STK38: variants seen among roughly 807,000 people sequenced by gnomAD.
STK38 encodes the protein serine/threonine kinase 38.
Under a neutral mutation model 59.0 loss-of-function variants are expected in STK38, and 26 were observed. The observed-to-expected ratio is 0.44, with a 90% CI of 0.32 to 0.61. The LOEUF is 0.61. Among genes scored for constraint, STK38 ranks in the 20% least tolerant of loss-of-function variants. STK38 has a pLI of 0.04. For missense variants in STK38, 433 were observed against 566.0 expected, an observed-to-expected ratio of 0.76 and a Z score of 2.38; for synonymous variants, 175 against 176.6, an observed-to-expected ratio of 0.99 and a Z score of 0.07.
At chr6:36,515,241 G>A (rs1777220606) in intron 7 of STK38, 97 bp downstream of exon 7, 6 of 1,407,368 alleles carry the variant, frequency 4.3e-6, no homozygotes, top group Admixed American at 4.9e-5. Context: ...GCAGGTCACA[G>A]CTCGCCCACT....
chr6:36,530,247 A>G (rs1777633008), intron 2 of STK38, among the ~76,000 whole-genome samples: 1 of 151,872 alleles, frequency 6.6e-6, no homozygotes, highest in Non-Finnish European at 1.5e-5. Context: ...TCAGAAAGAA[A>G]AGAGAAGAGA....
At chr6:36,527,207 A>AAAAATATATATATATAT (rs60162863) in intron 2 of STK38, among the ~76,000 whole-genome samples, 2 of 119,344 alleles carry the variant, frequency 1.7e-5, no homozygotes, top group East Asian at 2.4e-4. Context: ...AAAAAAAAAA[A>AAAAATATATATATATAT]ATATATGTAT....
At chr6:36,528,523 C>A (rs1777591270) in intron 2 of STK38, among the ~76,000 whole-genome samples, 1 of 152,088 alleles carries the variant, frequency 6.6e-6, no homozygotes, top group African/African-American at 2.4e-5. Flanking sequence ...AGACAGGAAA[C>A]AGAGAGAGGA....
intron 7 of STK38, 60 bp downstream of exon 7, chr6:36,515,278 A>C (rs1304498056): frequency 1.3e-6 from 2 of 1,570,926 alleles, no homozygotes; most frequent in Admixed American, 1.9e-5. Flanking sequence ...TGCAGGTGTT[A>C]AAGCAGAGGC....
At chr6:36,502,884 C>G (rs865920609) in intron 9 of STK38, among the ~76,000 whole-genome samples, 13 of 152,154 alleles carry the variant, frequency 8.5e-5, no homozygotes, top group Non-Finnish European at 8.8e-5. Context: ...CAGTCTTCTG[C>G]TATTAGATTC....
intron 9 of STK38, among the ~76,000 whole-genome samples, chr6:36,501,553 CT>C (rs61042158): frequency 1.7e-3 from 231 of 136,542 alleles, no homozygotes; most frequent in Middle Eastern, 0.011. Flanking sequence ...GATCATTTGT[CT>C]TTTTTTTTTT....
intron 9 of STK38, among the ~76,000 whole-genome samples, chr6:36,500,311 A>T (rs1776805467): frequency 6.6e-6 from 1 of 151,624 alleles, no homozygotes; most frequent in African/African-American, 2.4e-5. Flanking sequence ...CATGAGTTTT[A>T]TATATATATA....
At chr6:36,501,767 C>T (rs1166173508) in intron 9 of STK38, among the ~76,000 whole-genome samples, 1 of 152,064 alleles carries the variant, frequency 6.6e-6, no homozygotes, top group East Asian at 1.9e-4. Context: ...TCATGTAGCT[C>T]TAGTTCACTC....
At chr6:36,540,281 G>C (rs1383363238) in intron 1 of STK38, 74 bp from the exon 2 acceptor site, 5 of 1,472,076 alleles carry the variant, frequency 3.4e-6, no homozygotes, top group Admixed American at 2.1e-5. Flanking sequence ...CTACCCTATT[G>C]GTAGGAATGT....
intron 2 of STK38, among the ~76,000 whole-genome samples, chr6:36,528,805 GACT>G (rs1321994314): frequency 3.9e-5 from 6 of 152,222 alleles, no homozygotes; most frequent in Non-Finnish European, 7.3e-5. Flanking sequence ...GTTTTTGAAT[GACT>G]ACATCAGAAT....
intron 7 of STK38, among the ~76,000 whole-genome samples, chr6:36,513,007 A>AC (rs910484030): frequency 2.0e-5 from 3 of 151,112 alleles, no homozygotes; most frequent in Non-Finnish European, 2.9e-5. Flanking sequence ...CAAATTTTCT[A>AC]CCATGTTTAT....
intron 9 of STK38, among the ~76,000 whole-genome samples, chr6:36,503,545 G>A (rs1282331100): frequency 6.6e-6 from 1 of 151,874 alleles, no homozygotes; most frequent in African/African-American, 2.4e-5. Flanking sequence ...TGTGGATTAG[G>A]CCCTCTCCAA....
At chr6:36,538,321 A>G (rs1777847992) in intron 2 of STK38, among the ~76,000 whole-genome samples, 1 of 149,906 alleles carries the variant, frequency 6.7e-6, no homozygotes, top group East Asian at 1.9e-4. Context: ...GAAAAAAAGA[A>G]AAAAAAAAAA....
At chr6:36,538,319 G>GAAAAAAAA (rs779135298) in intron 2 of STK38, among the ~76,000 whole-genome samples, 1 of 138,982 alleles carries the variant, frequency 7.2e-6, no homozygotes. Flanking sequence ...AAGAAAAAAA[G>GAAAAAAAA]AAAAAAAAAA....
rs190471142 is a variant in STK38, at chr6:36,545,876, T to C, written c.-6+1314A>G. Among the ~76,000 whole-genome samples, 81 of 152,294 alleles carry C rather than the reference T, an allele frequency of 5.3e-4. 1 individual carries two copies. In the East Asian group the frequency reaches 0.015, roughly 29 times the overall value. Reference sequence around the variant, plus strand: ...AAAGTCAGGTGTAAGGCCTGCAAACTCAAAAGGAAGTCAAATGAAAACCAT... The same window carrying C: ...AAAGTCAGGTGTAAGGCCTGCAAACCCAAAAGGAAGTCAAATGAAAACCAT... On this transcript the variant is annotated intron_variant, in intron 1 of 13. Coordinates refer to ENST00000229812, the MANE Select transcript of STK38 (RefSeq NM_007271.4).
intron 9 of STK38, among the ~76,000 whole-genome samples, chr6:36,505,742 G>A (rs1776948396): frequency 6.6e-6 from 1 of 152,094 alleles, no homozygotes. Flanking sequence ...CTGCTACTCT[G>A]CTTTCTAATG....
At position 36,498,343 on chromosome 6, in the gene STK38, G is replaced by A. The variant is rs754402625; in HGVS notation, c.1076+20C>T. On this transcript the variant is annotated intron_variant, in intron 11 of 13. Transcript: ENST00000229812. ...ATATTAAAAAGCTGAGAAAGAAGGT[G>A]GAGGGATGTTCTCTAATACCTCAAA... 19 of 1,594,328 alleles carry A rather than the reference G, an allele frequency of 1.2e-5. No individual in the cohort carries two copies. The highest frequency in any genetic ancestry group is 1.6e-5 in the Non-Finnish European group (19 of 1,175,178).
chr6:36,526,447 A>C (rs1777515341), intron 2 of STK38, among the ~76,000 whole-genome samples: 1 of 152,192 alleles, frequency 6.6e-6, no homozygotes, highest in Non-Finnish European at 1.5e-5. Context: ...CAAAAAGGTG[A>C]CTGGCACCAC....
intron 9 of STK38, among the ~76,000 whole-genome samples, chr6:36,503,274 G>A (rs1465706413): frequency 6.6e-6 from 1 of 151,726 alleles, no homozygotes; most frequent in Non-Finnish European, 1.5e-5. Context: ...TTTCCTTTAT[G>A]AGCTGTAGTT....
Sources: allele counts gnomAD v4.1 joint callset (sites outside exome capture counted in the v4.1 genomes callset), GRCh38; gene constraint gnomAD v4.1.1; transcripts MANE v1.5; gene names NCBI Gene and HGNC (gene_info 2026-07-23, HGNC 2026-07-21).